CCSER1: variants seen among roughly 807,000 people sequenced by gnomAD.
The protein encoded by CCSER1 is serine-rich coiled-coil domain-containing protein 1.
A neutral mutation model predicts 82.0 loss-of-function variants in CCSER1; 41 were observed. The observed-to-expected ratio is 0.50, with a 90% CI of 0.39 to 0.65. The LOEUF is 0.65. Ranked by LOEUF, CCSER1 falls within the 30% of genes least tolerant of loss-of-function variation. CCSER1 has a pLI of 0.00. For synonymous variants in CCSER1, 414 were observed against 383.9 expected (o/e 1.08, Z -0.92); for missense variants, 1,119 against 1,064.2 (o/e 1.05, Z -0.72).
chr4:90,185,299 A>G (rs1177604300), intron 1 of CCSER1, among the ~76,000 whole-genome samples: 1 of 152,068 alleles, frequency 6.6e-6, no homozygotes, highest in South Asian at 2.1e-4. Context: ...TTTCTCTGGC[A>G]GCCTACTATT....
chr4:91,526,318 T>C (rs1760762400), intron 10 of CCSER1, among the ~76,000 whole-genome samples: 1 of 152,168 alleles, frequency 6.6e-6, no homozygotes, highest in Non-Finnish European at 1.5e-5. Context: ...TAAATCTACC[T>C]ACAAGCTGGA....
At chr4:90,231,658 A>C (rs985651162) in intron 1 of CCSER1, among the ~76,000 whole-genome samples, 1 of 151,342 alleles carries the variant, frequency 6.6e-6, no homozygotes, top group African/African-American at 2.4e-5. Flanking sequence ...AGGGTATTCA[A>C]TTAGGAAAAG....
intron 3 of CCSER1, among the ~76,000 whole-genome samples, chr4:90,344,983 A>G (rs1742078166): frequency 6.6e-6 from 1 of 152,142 alleles, no homozygotes; most frequent in African/African-American, 2.4e-5. Context: ...CTTCAGCCAG[A>G]CAGTCCTTGA....
chr4:90,531,512 T>C (rs2153630485), intron 5 of CCSER1, among the ~76,000 whole-genome samples: 1 of 152,206 alleles, frequency 6.6e-6, no homozygotes, highest in African/African-American at 2.4e-5. Context: ...CAAGTCCATT[T>C]AGCAAACTAT....
At chr4:91,177,599 A>T (rs937821352) in intron 10 of CCSER1, among the ~76,000 whole-genome samples, 1 of 152,004 alleles carries the variant, frequency 6.6e-6, no homozygotes, top group Admixed American at 6.6e-5. Context: ...TTTCTAGTTT[A>T]TTTACGTAGA....
intron 8 of CCSER1, among the ~76,000 whole-genome samples, chr4:90,827,475 C>G (rs952735853): frequency 6.6e-6 from 1 of 152,028 alleles, no homozygotes; most frequent in Non-Finnish European, 1.5e-5. Flanking sequence ...GTAATGATAA[C>G]AAAACAGAAA....
intron 9 of CCSER1, among the ~76,000 whole-genome samples, chr4:91,071,722 T>C (rs929471631): frequency 2.0e-5 from 3 of 152,188 alleles, no homozygotes; most frequent in African/African-American, 7.2e-5. Flanking sequence ...ATAAGCTTAG[T>C]ATCTCATCAA....
intron 6 of CCSER1, among the ~76,000 whole-genome samples, chr4:90,685,192 C>T (rs1734593766): frequency 6.6e-6 from 1 of 152,086 alleles, no homozygotes. Flanking sequence ...AACTCAGGCT[C>T]TTTCCAATAT....
intron 10 of CCSER1, among the ~76,000 whole-genome samples, chr4:91,423,828 T>C (rs942384076): frequency 6.6e-5 from 10 of 152,000 alleles, no homozygotes; most frequent in African/African-American, 2.4e-4. Flanking sequence ...AGTCTCTGTA[T>C]TGTGCACTGT....
intron 10 of CCSER1, among the ~76,000 whole-genome samples, chr4:91,367,756 G>T (rs1363117545): frequency 2.0e-5 from 3 of 152,128 alleles, no homozygotes; most frequent in Admixed American, 1.3e-4. Flanking sequence ...GCTTTTTCAT[G>T]TGATGAATAT....
At chr4:91,139,628 C>T (rs1561579228) in intron 10 of CCSER1, among the ~76,000 whole-genome samples, 1 of 152,062 alleles carries the variant, frequency 6.6e-6, no homozygotes, top group African/African-American at 2.4e-5. Context: ...TAAAAGCTAT[C>T]TTTCAAGACC....
chr4:90,894,534 A>G (rs1305104380), intron 8 of CCSER1, among the ~76,000 whole-genome samples: 2 of 151,962 alleles, frequency 1.3e-5, no homozygotes, highest in South Asian at 4.1e-4. Flanking sequence ...TCCGGGAAAC[A>G]TTGACTATAT....
intron 9 of CCSER1, among the ~76,000 whole-genome samples, chr4:91,076,758 A>G (rs1722041957): frequency 1.3e-5 from 2 of 152,208 alleles, no homozygotes; most frequent in African/African-American, 2.4e-5. Flanking sequence ...GATCTTCAAG[A>G]GAAGAGAAAC....
rs571247633 is a variant in CCSER1, at chr4:91,462,426, C to T, written c.2218-136146C>T. Among the ~76,000 whole-genome samples the T allele has an allele frequency of 5.9e-5, 9 of 152,206 alleles. No individual in the cohort carries two copies. The South Asian group carries it at 6.2e-4, about 11-fold the overall frequency. On this transcript the variant is annotated intron_variant, in intron 10 of 10. Coordinates refer to ENST00000509176, the MANE Select transcript of CCSER1 (RefSeq NM_001145065.2). Reference sequence around the variant, plus strand: ...AACAGCTCTAGTCTACAGCTCCTAGCGTCAGCCACGCAGAAGATGGGTGAT... The same window carrying T: ...AACAGCTCTAGTCTACAGCTCCTAGTGTCAGCCACGCAGAAGATGGGTGAT...
At chr4:90,870,117 A>G (rs866588374) in intron 8 of CCSER1, among the ~76,000 whole-genome samples, 3 of 151,970 alleles carry the variant, frequency 2.0e-5, no homozygotes, top group Non-Finnish European at 4.4e-5. Context: ...TTTTTCAAAT[A>G]TAAGATCATA....
At position 90,924,928 on chromosome 4, in the gene CCSER1, T is replaced by C. The variant is rs113723083; in HGVS notation, c.2172+1481T>C. ...TTGTAGTAGAGACAGGGTTTCATCA[T>C]GTTGGTCAGGTTAGTCTCGAACTCC... On this transcript the variant is annotated intron_variant, in intron 9 of 10. Transcript: ENST00000509176. Among the ~76,000 whole-genome samples the C allele has an allele frequency of 4.0e-3, 613 of 152,292 alleles. 5 individuals carry two copies. The highest frequency in any genetic ancestry group is 0.014 in the African/African-American group (579 of 41,564).
intron 10 of CCSER1, among the ~76,000 whole-genome samples, chr4:91,446,285 T>A (rs1469407187): frequency 1.3e-5 from 2 of 152,082 alleles, no homozygotes; most frequent in Non-Finnish European, 2.9e-5. Context: ...CAAGAATACA[T>A]TGGTTATAAG....
chr4:91,362,827 T>C (rs1749341645), intron 10 of CCSER1, among the ~76,000 whole-genome samples: 2 of 151,828 alleles, frequency 1.3e-5, no homozygotes, highest in Non-Finnish European at 2.9e-5. Context: ...CTGTTTCTCT[T>C]CAAAAAGCAG....
At chr4:90,305,118 G>A (rs574753227) in intron 1 of CCSER1, among the ~76,000 whole-genome samples, 137 of 152,116 alleles carry the variant, frequency 9.0e-4, no homozygotes, top group African/African-American at 3.0e-3. Context: ...GGGTTTCACC[G>A]TGTTAGCCAG....
Sources: gnomAD v4.1 joint callset for allele counts (sites outside exome capture counted in the v4.1 genomes callset) on GRCh38, gnomAD v4.1.1 for gene constraint, MANE v1.5 for transcripts, NCBI Gene and HGNC (gene_info 2026-07-23, HGNC 2026-07-21) for gene names.